SCN8A: variants seen among roughly 807,000 people sequenced by gnomAD.
SCN8A encodes sodium channel protein type 8 subunit alpha.
Under a neutral mutation model 184.1 loss-of-function variants are expected in SCN8A, and 30 were observed. That is an observed-to-expected ratio of 0.16 (90% CI 0.12 to 0.22). The LOEUF is 0.22. Ranked by LOEUF, SCN8A falls within the 10% of genes least tolerant of loss-of-function variation. The pLI is 1.00. For synonymous variants in SCN8A, 852 were observed against 907.0 expected (o/e 0.94, Z 1.09); for missense variants, 1,057 against 2,498.9 (o/e 0.42, Z 12.30).
At chr12:51,657,038 T>C (rs1231135600) in intron 1 of SCN8A, among the ~76,000 whole-genome samples, 1 of 152,098 alleles carries the variant, frequency 6.6e-6, no homozygotes, top group African/African-American at 2.4e-5. Flanking sequence ...AAATAGGTAC[T>C]AAAATAAGTA....
chr12:51,645,950 TA>T (rs35944797), intron 1 of SCN8A, among the ~76,000 whole-genome samples: 148 of 14,028 alleles, frequency 0.011, no homozygotes, highest in Middle Eastern at 0.031. Flanking sequence ...AATGATCAAT[TA>T]AAAAAAAAAA....
chr12:51,674,984 C>G (rs1393059684), intron 2 of SCN8A, among the ~76,000 whole-genome samples: 1 of 152,148 alleles, frequency 6.6e-6, no homozygotes, highest in Non-Finnish European at 1.5e-5. Flanking sequence ...TTGCTGCTTT[C>G]TAAGAGAGAG....
intron 1 of SCN8A, among the ~76,000 whole-genome samples, chr12:51,620,091 T>C (rs1939927545): frequency 6.6e-6 from 1 of 152,232 alleles, no homozygotes; most frequent in South Asian, 2.1e-4. Context: ...TTTAATATTA[T>C]GGAGACCAAA....
At chr12:51,771,893 A>G (rs999118109) in intron 19 of SCN8A, among the ~76,000 whole-genome samples, 11 of 152,216 alleles carry the variant, frequency 7.2e-5, no homozygotes, top group African/African-American at 2.7e-4. Flanking sequence ...TATTCTTCAA[A>G]TCTAGTGAAC....
chr12:51,760,730 T>C (rs1942750478), intron 14 of SCN8A, among the ~76,000 whole-genome samples: 1 of 152,252 alleles, frequency 6.6e-6, no homozygotes, highest in South Asian at 2.1e-4. Context: ...ACTTGTATTA[T>C]GAACTTTGAT....
intron 21 of SCN8A, among the ~76,000 whole-genome samples, chr12:51,784,759 G>A (rs747200331): frequency 4.6e-5 from 7 of 152,140 alleles, no homozygotes; most frequent in African/African-American, 9.7e-5. Context: ...AAGAGATCAC[G>A]TTAATGTTTC....
At chr12:51,601,441 CT>C (rs779590904) in intron 1 of SCN8A, among the ~76,000 whole-genome samples, 5,181 of 140,650 alleles carry the variant, frequency 0.037, 152 homozygotes, top group African/African-American at 0.088. Flanking sequence ...CTAACAAGGC[CT>C]TTTTTTTTTT....
At chr12:51,693,498 G>A (rs1941544669) in intron 6 of SCN8A, among the ~76,000 whole-genome samples, 2 of 152,152 alleles carry the variant, frequency 1.3e-5, no homozygotes, top group African/African-American at 2.4e-5. Context: ...TAGGCTGGGT[G>A]CAGTGGTACA....
chr12:51,688,689 T>C lies in SCN8A; in HGVS notation c.615-316T>C, dbSNP rs1420804742. The C allele has an allele frequency of 4.6e-6, 5 of 1,097,568 alleles. No individual in the cohort carries two copies. The Admixed American group carries it at 8.8e-5, about 19-fold the overall frequency. 68.0% of individuals were successfully genotyped at this position (1,097,568 alleles called of 1,614,324 possible). Reference sequence around the variant, plus strand: ...AACCATAGCTTGTATATAAGACCCTTTCTTCCCCCCATTCTCAAACCCTCG... The same window carrying C: ...AACCATAGCTTGTATATAAGACCCTCTCTTCCCCCCATTCTCAAACCCTCG... On this transcript the variant is annotated intron_variant, in intron 5 of 26. Transcript: ENST00000627620.
rs1342582051 is a variant in SCN8A, at chr12:51,750,550, A to T, written c.2132-805A>T. On this transcript the variant is annotated intron_variant, in intron 13 of 26. Coordinates refer to ENST00000627620, the MANE Select transcript of SCN8A (RefSeq NM_001330260.2). Reference sequence around the variant, plus strand: ...TCAACCATGAGCTGTAAACTTGTTAAGGGTGGAGACAGTAACTTGTACTTC... The same window carrying T: ...TCAACCATGAGCTGTAAACTTGTTATGGGTGGAGACAGTAACTTGTACTTC... Among the ~76,000 whole-genome samples, 3 of 152,340 alleles carry T rather than the reference A, an allele frequency of 2.0e-5. No homozygotes were observed. The East Asian group carries it at 5.8e-4, about 29-fold the overall frequency.
At position 51,807,714 on chromosome 12, in the gene SCN8A, C is replaced by A. The variant is rs1328286798; in HGVS notation, c.*285C>A. On this transcript the variant is annotated 3_prime_UTR_variant, in exon 27 of 27. Transcript: ENST00000627620. This position sits in a 1 kb window ranked among gnomAD's most constrained non-coding sequence, Gnocchi z 4.5. ...AACTTAGGACAAAACTAACCAGATACAGAAACAGAAGAGAGGCTGCCGGGA... is the reference window on the plus strand; with the variant it reads ...AACTTAGGACAAAACTAACCAGATAAAGAAACAGAAGAGAGGCTGCCGGGA... 1 of 430,394 alleles carries A rather than the reference C, an allele frequency of 2.3e-6. No homozygotes were observed. The highest frequency in any genetic ancestry group is 2.0e-5 in the African/African-American group (1 of 50,732). The allele number at this position is 430,394 out of a possible 1,614,324, so 26.7% of individuals were successfully genotyped here.
At chr12:51,678,335 C>T (rs1471766190) in intron 2 of SCN8A, among the ~76,000 whole-genome samples, 1 of 152,206 alleles carries the variant, frequency 6.6e-6, no homozygotes, top group Non-Finnish European at 1.5e-5. Context: ...ACTGTTGACC[C>T]TGGACTTGAC....
chr12:51,655,155 C>A (rs1458722716), intron 1 of SCN8A, among the ~76,000 whole-genome samples: 1 of 152,056 alleles, frequency 6.6e-6, no homozygotes. Context: ...TGGCTCAGCC[C>A]CCCATAGTGC....
intron 1 of SCN8A, among the ~76,000 whole-genome samples, chr12:51,639,521 C>G (rs1276593840): frequency 6.6e-6 from 1 of 152,064 alleles, no homozygotes; most frequent in South Asian, 2.1e-4. Context: ...CTCAAGTGAT[C>G]CTCTCACCTC....
chr12:51,746,996 C>T (rs921855324), intron 13 of SCN8A, among the ~76,000 whole-genome samples: 1 of 151,844 alleles, frequency 6.6e-6, no homozygotes, highest in African/African-American at 2.4e-5. Context: ...AACCAAAGTC[C>T]CTGAGACAGG....
intron 11 of SCN8A, among the ~76,000 whole-genome samples, chr12:51,708,641 A>G (rs1166961275): frequency 2.0e-5 from 3 of 152,134 alleles, no homozygotes; most frequent in African/African-American, 7.2e-5. Flanking sequence ...TCAGGGGATG[A>G]GCAAAATCCC....
At chr12:51,736,607 C>A (rs926479138) in intron 12 of SCN8A, among the ~76,000 whole-genome samples, 4 of 152,170 alleles carry the variant, frequency 2.6e-5, no homozygotes, top group Non-Finnish European at 5.9e-5. Context: ...GCAACTAGGC[C>A]ATCAGCCATT....
At chr12:51,740,653 C>G (rs2138818741) in intron 12 of SCN8A, among the ~76,000 whole-genome samples, 1 of 152,268 alleles carries the variant, frequency 6.6e-6, no homozygotes, top group East Asian at 1.9e-4. Context: ...CTGTAAATAT[C>G]TCTTAGGTCC....
chr12:51,617,351 T>A (rs1939863438), intron 1 of SCN8A, among the ~76,000 whole-genome samples: 3 of 152,168 alleles, frequency 2.0e-5, no homozygotes, highest in South Asian at 4.1e-4. Flanking sequence ...TATTTTCAAG[T>A]TCATCAACTA....
Sources: allele counts gnomAD v4.1 joint callset (sites outside exome capture counted in the v4.1 genomes callset), GRCh38; gene constraint gnomAD v4.1.1; non-coding constraint Gnocchi (gnomAD v3.1); transcripts MANE v1.5; gene names NCBI Gene and HGNC (gene_info 2026-07-23, HGNC 2026-07-21).